Variants in CNTN4 observed in about 807,000 individuals in gnomAD.
CNTN4 encodes the protein contactin-4.
Under a neutral mutation model 122.5 loss-of-function variants are expected in CNTN4, and 77 were observed. The observed-to-expected ratio is 0.63, with a 90% CI of 0.52 to 0.76. The LOEUF (loss-of-function observed/expected upper bound fraction) is 0.76, where lower values mean the gene tolerates loss of function less well. CNTN4 is among the 30% of genes least tolerant of loss of function. The pLI, the probability that CNTN4 is intolerant of heterozygous loss-of-function variation, is 0.00. For synonymous variants in CNTN4, 512 were observed against 447.0 expected, an observed-to-expected ratio of 1.15 and a Z score of -1.83; for missense variants, 1,256 against 1,259.1, an observed-to-expected ratio of 1.00 and a Z score of 0.04.
Position 3,033,721 on chromosome 3 carries a change from G to T in CNTN4, c.1784-911G>T, listed in dbSNP as rs139066935. Among the ~76,000 whole-genome samples, 1,242 of 152,312 alleles carry T rather than the reference G, an allele frequency of 8.2e-3. 15 individuals carry two copies. The highest frequency in any genetic ancestry group is 0.029 in the African/African-American group (1,209 of 41,564). On this transcript the variant is annotated intron_variant, in intron 16 of 24. Coordinates refer to ENST00000418658, the MANE Select transcript of CNTN4 (RefSeq NM_175607.3). ...AAATGCATTTAACTGCCTGGTAAGA[G>T]ATTTTCATGTTGGAAAGTGGGATAG...
At chr3:2,103,684 T>C (rs1441097932) in intron 2 of CNTN4, among the ~76,000 whole-genome samples, 2 of 152,084 alleles carry the variant, frequency 1.3e-5, no homozygotes, top group African/African-American at 4.8e-5. Context: ...GGAAACCCTC[T>C]TCTTTTCCTA....
chr3:2,604,750 G>A (rs1017903615), intron 4 of CNTN4, among the ~76,000 whole-genome samples: 1 of 152,064 alleles, frequency 6.6e-6, no homozygotes, highest in Non-Finnish European at 1.5e-5. Context: ...CTAGAGATAA[G>A]AATACACCCA....
intron 13 of CNTN4, among the ~76,000 whole-genome samples, chr3:2,948,660 G>A (rs1470592648): frequency 6.6e-6 from 1 of 152,004 alleles, no homozygotes; most frequent in Non-Finnish European, 1.5e-5. Context: ...AAACTCATTT[G>A]GTGGCAAAAC....
At chr3:2,283,823 C>T (rs957265814) in intron 2 of CNTN4, among the ~76,000 whole-genome samples, 1 of 152,064 alleles carries the variant, frequency 6.6e-6, no homozygotes. Context: ...AGTTTTCCTC[C>T]AACTTCTGCA....
At chr3:2,357,205 C>A (rs534410731) in intron 3 of CNTN4, among the ~76,000 whole-genome samples, 1 of 152,110 alleles carries the variant, frequency 6.6e-6, no homozygotes, top group Non-Finnish European at 1.5e-5. Context: ...GTAGCAATGA[C>A]GTTAAGATAC....
At chr3:2,658,163 C>A (rs2083684554) in intron 4 of CNTN4, among the ~76,000 whole-genome samples, 2 of 151,590 alleles carry the variant, frequency 1.3e-5, no homozygotes, top group South Asian at 4.2e-4. Flanking sequence ...GGTGGACCCA[C>A]AGGAAGTTCG....
chr3:2,603,457 A>G (rs2081133379), intron 4 of CNTN4, among the ~76,000 whole-genome samples: 1 of 152,116 alleles, frequency 6.6e-6, no homozygotes, highest in Admixed American at 6.6e-5. Flanking sequence ...TTACAGAAAC[A>G]AAATCCTACA....
intron 3 of CNTN4, among the ~76,000 whole-genome samples, chr3:2,491,989 C>G (rs976322181): frequency 6.6e-6 from 1 of 151,360 alleles, no homozygotes; most frequent in African/African-American, 2.4e-5. Flanking sequence ...TTTTTAGTTA[C>G]CTGTGAATCA....
intron 2 of CNTN4, among the ~76,000 whole-genome samples, chr3:2,124,913 A>T (rs1023466189): frequency 6.6e-6 from 1 of 152,192 alleles, no homozygotes; most frequent in Non-Finnish European, 1.5e-5. Flanking sequence ...AAATATATCT[A>T]TTATCTCCAG....
chr3:2,448,178 A>T (rs991831421), intron 3 of CNTN4, among the ~76,000 whole-genome samples: 4 of 152,200 alleles, frequency 2.6e-5, no homozygotes, highest in African/African-American at 9.6e-5. Context: ...CAGAGCAGGC[A>T]GCGAAGCCTG....
intron 2 of CNTN4, among the ~76,000 whole-genome samples, chr3:2,315,656 T>C (rs2043072949): frequency 6.6e-6 from 1 of 152,076 alleles, no homozygotes; most frequent in South Asian, 2.1e-4. Flanking sequence ...TTTAGCCAAT[T>C]CATTTTTTTA....
chr3:2,391,421 A>T (rs2046437927), intron 3 of CNTN4, among the ~76,000 whole-genome samples: 1 of 152,214 alleles, frequency 6.6e-6, no homozygotes, highest in Non-Finnish European at 1.5e-5. Context: ...TGAAGCCATG[A>T]GAAACCCAGA....
intron 4 of CNTN4, among the ~76,000 whole-genome samples, chr3:2,608,467 A>T: frequency 1.2e-5 from 1 of 82,550 alleles, no homozygotes; most frequent in East Asian, 2.3e-4. Flanking sequence ...CTGTTTAAAA[A>T]AGAAAGAAAG....
At chr3:3,052,755 A>G (rs1243679383) in intron 23 of CNTN4, among the ~76,000 whole-genome samples, 1 of 152,174 alleles carries the variant, frequency 6.6e-6, no homozygotes, top group Non-Finnish European at 1.5e-5. Context: ...CAAGCTGCAG[A>G]TATGTCCAGG....
intron 2 of CNTN4, among the ~76,000 whole-genome samples, chr3:2,315,764 G>A (rs181472121): frequency 6.6e-6 from 1 of 151,922 alleles, no homozygotes; most frequent in Non-Finnish European, 1.5e-5. Context: ...CATTTAACTA[G>A]TGTTGAGTCT....
intron 4 of CNTN4, among the ~76,000 whole-genome samples, chr3:2,590,883 C>G (rs565770534): frequency 1.1e-4 from 16 of 151,850 alleles, no homozygotes; most frequent in African/African-American, 3.1e-4. Flanking sequence ...AAAAAAAAAG[C>G]TGTATTGAAG....
At chr3:2,267,168 T>G (rs934514091) in intron 2 of CNTN4, among the ~76,000 whole-genome samples, 1 of 152,080 alleles carries the variant, frequency 6.6e-6, no homozygotes, top group Non-Finnish European at 1.5e-5. Flanking sequence ...ACGATTGTGG[T>G]GTGTAGAAAT....
intron 6 of CNTN4, among the ~76,000 whole-genome samples, chr3:2,815,578 A>G (rs2092707047): frequency 6.6e-6 from 1 of 152,156 alleles, no homozygotes; most frequent in Non-Finnish European, 1.5e-5. Context: ...CATAATCAAA[A>G]AACAGTAGAT....
At chr3:2,244,822 A>G (rs894092886) in intron 2 of CNTN4, among the ~76,000 whole-genome samples, 2 of 152,042 alleles carry the variant, frequency 1.3e-5, no homozygotes, top group Non-Finnish European at 2.9e-5. Flanking sequence ...ACATGTGGCG[A>G]TTGCTCAAGG....
Sources: gnomAD v4.1 joint callset for allele counts (sites outside exome capture counted in the v4.1 genomes callset) on GRCh38, gnomAD v4.1.1 for gene constraint, MANE v1.5 for transcripts, NCBI Gene and HGNC (gene_info 2026-07-23, HGNC 2026-07-21) for gene names.